The following FMN1 variants were observed in gnomAD, a reference collection of about 807,000 sequenced individuals.
The protein encoded by FMN1 is formin-1.
Under a neutral mutation model 132.4 loss-of-function variants are expected in FMN1, and 110 were observed. The observed-to-expected ratio is 0.83, with a 90% CI of 0.71 to 0.97. FMN1 has a LOEUF of 0.97. Ranked by LOEUF, FMN1 falls within the 50% of genes least tolerant of loss-of-function variation. FMN1 has a pLI of 0.00. For missense variants in FMN1, 1,792 were observed against 1,705.3 expected (o/e 1.05, Z -0.90); for synonymous variants, 722 against 651.7 (o/e 1.11, Z -1.64).
intron 15 of FMN1, 63 bp downstream of exon 15, chr15:32,898,771 C>A: frequency 9.3e-7 from 1 of 1,071,996 alleles, no homozygotes. Context: ...TATCCATCAT[C>A]CAACTTATGA....
chr15:33,128,978 T>TTTTACAGAGTGCTGATTGGTCCAC, intron 4 of FMN1, among the ~76,000 whole-genome samples: 1 of 152,122 alleles, frequency 6.6e-6, no homozygotes, highest in Non-Finnish European at 1.5e-5. Context: ...GATTGGTCCA[T>TTTTACAGAGTGCTGATTGGTCCAC]TTTACAGAGT....
chr15:32,791,367 CTT>C (rs34331378), intron 19 of FMN1, among the ~76,000 whole-genome samples: 1,574 of 147,702 alleles, frequency 0.011, 33 homozygotes, highest in African/African-American at 0.035. Flanking sequence ...AGCAATAAAC[CTT>C]TTTTTTTTTT....
At chr15:32,872,888 C>T (rs2059548784) in intron 16 of FMN1, among the ~76,000 whole-genome samples, 1 of 150,986 alleles carries the variant, frequency 6.6e-6, no homozygotes, top group African/African-American at 2.4e-5. Flanking sequence ...TCTAAATGAA[C>T]CATGAGGGAA....
At chr15:33,137,638 C>T (rs1963828955) in intron 4 of FMN1, among the ~76,000 whole-genome samples, 1 of 152,180 alleles carries the variant, frequency 6.6e-6, no homozygotes, top group South Asian at 2.1e-4. Context: ...CCTACCACCA[C>T]CGGACAATGT....
Position 33,012,648 on chromosome 15 carries a change from G to A in FMN1, c.2162-4573C>T, listed in dbSNP as rs1050649697. ...CAAATGACCACAACTGTGAAGGTAG[G>A]AAAGCCCTGTCAAAGCAAGAGATGG... On this transcript the variant is annotated intron_variant, in intron 6 of 20. Transcript: ENST00000616417. 1.1e-5 allele frequency: 10 copies of A among 901,194 alleles called. No individual in the cohort carries two copies. The African/African-American group carries it at 1.5e-4, about 13-fold the overall frequency. The allele number at this position is 901,194 out of a possible 1,614,324, so 55.8% of individuals were successfully genotyped here. A position where few individuals can be genotyped will look rare whatever the true frequency, so the allele number is the denominator to read the frequency against.
At chr15:32,866,388 C>T (rs1263562115) in intron 16 of FMN1, among the ~76,000 whole-genome samples, 1 of 151,972 alleles carries the variant, frequency 6.6e-6, no homozygotes, top group East Asian at 1.9e-4. Flanking sequence ...ACTAAATAAA[C>T]ATGTGAAAAA....
chr15:32,860,393 C>G (rs1375354996), intron 16 of FMN1, among the ~76,000 whole-genome samples: 1 of 152,110 alleles, frequency 6.6e-6, no homozygotes, highest in Non-Finnish European at 1.5e-5. Flanking sequence ...TGGCTCGTGC[C>G]TCTAATACCA....
At position 33,153,761 on chromosome 15, in the gene FMN1, C is replaced by T. The variant is rs747896636; in HGVS notation, c.1154G>A (p.Arg385Gln). 8.3e-5 allele frequency: 128 copies of T among 1,536,138 alleles called. No homozygotes were observed. Among genetic ancestry groups the T allele is most frequent in the Non-Finnish European group, 9.9e-5 (113 of 1,146,946 alleles). The change falls in exon 4 of 21, where the codon CGG becomes CAG. Residue 385 changes from arginine to glutamine, a missense_variant. By Grantham distance (43) the Arg-to-Gln change is conservative. Coordinates refer to ENST00000616417, the MANE Select transcript of FMN1 (RefSeq NM_001277313.2). Reference protein sequence around the residue: ...GAEAGAHGSRRQGKERQGDRS... With the variant: ...GAEAGAHGSRQQGKERQGDRS... ...ATCCCCTTGCCGCTCCTTGCCCTGC[C>T]GCCTGGAGCCATGAGCCCCAGCCTC...
At chr15:32,795,219 T>C (rs1441635138) in intron 19 of FMN1, among the ~76,000 whole-genome samples, 3 of 152,090 alleles carry the variant, frequency 2.0e-5, no homozygotes, top group African/African-American at 2.4e-5. Flanking sequence ...ATTAGTATTT[T>C]ATGAGAAGAA....
chr15:33,107,604 G>A (rs1462268822), intron 4 of FMN1, among the ~76,000 whole-genome samples: 1 of 152,058 alleles, frequency 6.6e-6, no homozygotes, highest in East Asian at 1.9e-4. Context: ...TGGCTAAGAT[G>A]TTCCCCAGGC....
chr15:33,123,815 A>G (rs1962792092), intron 4 of FMN1, among the ~76,000 whole-genome samples: 1 of 152,236 alleles, frequency 6.6e-6, no homozygotes, highest in Admixed American at 6.5e-5. Flanking sequence ...AAATCCAACT[A>G]AACTGGCTTA....
intron 19 of FMN1, among the ~76,000 whole-genome samples, chr15:32,781,971 A>G (rs1029806146): frequency 3.3e-5 from 5 of 152,174 alleles, no homozygotes; most frequent in Non-Finnish European, 5.9e-5. Flanking sequence ...TGTTCCCTCA[A>G]TGACGGTCTG....
intron 6 of FMN1, among the ~76,000 whole-genome samples, chr15:33,041,098 A>T (rs1295333862): frequency 1.3e-5 from 2 of 151,802 alleles, no homozygotes; most frequent in Non-Finnish European, 2.9e-5. Flanking sequence ...AAGAATGCAG[A>T]GGTGGTTCTA....
chr15:32,855,033 T>C (rs2059095733), intron 17 of FMN1, among the ~76,000 whole-genome samples: 1 of 151,720 alleles, frequency 6.6e-6, no homozygotes, highest in South Asian at 2.1e-4. Context: ...CTTAGTACTC[T>C]TGGTCTCTAA....
At chr15:33,127,639 A>C (rs1963224145) in intron 4 of FMN1, among the ~76,000 whole-genome samples, 1 of 151,930 alleles carries the variant, frequency 6.6e-6, no homozygotes, top group Non-Finnish European at 1.5e-5. Context: ...TTCCAATCAA[A>C]CTCAGCACCA....
intron 5 of FMN1, among the ~76,000 whole-genome samples, chr15:33,081,083 A>C (rs2038436252): frequency 6.6e-6 from 1 of 152,152 alleles, no homozygotes; most frequent in Admixed American, 6.5e-5. Flanking sequence ...CACCCCCTGC[A>C]CGGAGGGTAC....
chr15:33,060,134 G>C (rs902096078), intron 6 of FMN1, among the ~76,000 whole-genome samples: 2 of 151,914 alleles, frequency 1.3e-5, no homozygotes, highest in South Asian at 2.1e-4. Flanking sequence ...TCAACTCCAT[G>C]CAAGTGATGA....
intron 9 of FMN1, among the ~76,000 whole-genome samples, chr15:32,938,405 C>T (rs897340957): frequency 2.0e-5 from 3 of 151,938 alleles, no homozygotes; most frequent in African/African-American, 4.8e-5. Context: ...GGCACACTCC[C>T]GTAATCCCAG....
rs2140281571 is a variant in FMN1 at position 33,153,174 on chromosome 15, C to T, written c.1741G>A (p.Glu581Lys). The T allele has an allele frequency of 6.5e-7, 1 of 1,536,126 alleles. No homozygotes were observed. The highest frequency in any genetic ancestry group is 8.7e-7 in the Non-Finnish European group (1 of 1,146,910). Residue 581 changes from glutamate (E) to lysine (K), a missense_variant, in exon 4 of 21, where the codon GAG becomes AAG. By Grantham distance (56) the Glu-to-Lys change is moderately conservative. This residue lies in a region of FMN1 where 1,150 missense variants were observed against 1,043.1 expected (regional missense o/e 1.10). Coordinates refer to ENST00000616417, the MANE Select transcript of FMN1 (RefSeq NM_001277313.2). ...AAGGCCGGGCTGGCTCCTTTGGTCT[C>T]CGTGACCTTTGCAGAGGATGGTGGC... ...LEPPSSAKVT[E>K]TKGASPAFLR...
Sources: allele counts gnomAD v4.1 joint callset (sites outside exome capture counted in the v4.1 genomes callset), GRCh38; gene constraint gnomAD v4.1.1; regional missense constraint gnomAD v4.1.1; transcripts MANE v1.5; gene names NCBI Gene and HGNC (gene_info 2026-07-23, HGNC 2026-07-21).